Variants in ZFHX3 observed in about 807,000 individuals in gnomAD.
ZFHX3 encodes zinc finger homeobox protein 3.
Under a neutral mutation model 279.1 loss-of-function variants are expected in ZFHX3, and 42 were observed. That is an observed-to-expected ratio of 0.15 (90% CI 0.12 to 0.19). ZFHX3 has a LOEUF of 0.19. ZFHX3 is among the 10% of genes least tolerant of loss of function. The pLI is 1.00. For synonymous variants in ZFHX3, 2,293 were observed against 1,957.8 expected (o/e 1.17, Z -4.52); for missense variants, 4,981 against 4,754.0 (o/e 1.05, Z -1.40).
intron 7 of ZFHX3, among the ~76,000 whole-genome samples, chr16:72,802,515 C>G (rs904409019): frequency 1.3e-5 from 2 of 152,108 alleles, no homozygotes; most frequent in African/African-American, 2.4e-5. Flanking sequence ...CTTTTATCCA[C>G]CTGCATTTTT....
intron 3 of ZFHX3, among the ~76,000 whole-genome samples, chr16:73,422,197 A>ATTTTTTTTTTTTT (rs34462342): frequency 6.9e-6 from 1 of 144,574 alleles, no homozygotes. Flanking sequence ...TTTTCAGAAG[A>ATTTTTTTTTTTTT]TTTTTTTTTT....
chr16:73,586,683 A>G (rs1439831806), intron 2 of ZFHX3, among the ~76,000 whole-genome samples: 1 of 152,170 alleles, frequency 6.6e-6, no homozygotes, highest in Non-Finnish European at 1.5e-5. Flanking sequence ...GTCTTTGATG[A>G]AGGTTTTAAC....
At chr16:73,318,220 A>C (rs1036354798) in intron 4 of ZFHX3, 1 of 152,088 alleles carries the variant, frequency 6.6e-6, no homozygotes, top group Non-Finnish European at 1.5e-5. Context: ...CCCAACCATA[A>C]TATAATATCA....
chr16:73,784,798 T>A (rs773261561), intron 1 of ZFHX3, among the ~76,000 whole-genome samples: 2,182 of 111,212 alleles, frequency 0.02, 23 homozygotes, highest in East Asian at 0.052. Context: ...AAAAAAAAAA[T>A]ATATATATAT....
chr16:72,832,224 C>T (rs780251541), intron 4 of ZFHX3, among the ~76,000 whole-genome samples: 1 of 152,100 alleles, frequency 6.6e-6, no homozygotes, highest in Non-Finnish European at 1.5e-5. Flanking sequence ...TCACAGTCAC[C>T]CAACACTGAC....
At chr16:73,506,826 G>A (rs913965857) in intron 2 of ZFHX3, among the ~76,000 whole-genome samples, 1 of 152,098 alleles carries the variant, frequency 6.6e-6, no homozygotes, top group African/African-American at 2.4e-5. Context: ...CCATAGTAAC[G>A]GCAAGATTAC....
rs775783430 is a variant in ZFHX3, at chr16:72,793,977, T to C, written c.8705A>G (p.Tyr2902Cys). ...SGLVSPAPSF[Y>C]SKEYDNEGTV... ...ACCTTCATTGTCATATTCCTTGCTA[T>C]AAAAGCTCGGGGCCGGGCTGACCAG... The change falls in exon 9 of 10, where the codon TAT (tyrosine) becomes TGT (cysteine). Residue 2902 changes from tyrosine (Y) to cysteine (C), a missense_variant. Around this residue, in one of 7 missense-constraint regions of ZFHX3, gnomAD observed 744 missense variants for 701.3 expected, o/e 1.06. Coordinates refer to ENST00000268489, the MANE Select transcript of ZFHX3 (RefSeq NM_006885.4). The surrounding 1 kb of genome is among the most constrained non-coding windows in gnomAD (Gnocchi z 4.3). The C allele has an allele frequency of 9.3e-6, 15 of 1,614,228 alleles. No individual in the cohort carries two copies. The highest frequency in any genetic ancestry group is 3.3e-5 in the Admixed American group (2 of 60,032).
Position 73,490,798 on chromosome 16 carries a change from T to C in ZFHX3, c.-1546-34540A>G, listed in dbSNP as rs919927798. 1.6e-4 allele frequency among the ~76,000 whole-genome samples: 24 copies of C among 152,130 alleles called. 1 individual carries two copies. The highest frequency in any genetic ancestry group is 5.8e-4 in the African/African-American group (24 of 41,406). On this transcript the variant is annotated intron_variant, in intron 2 of 17. Transcript: ENST00000641206. Reference sequence around the variant, plus strand: ...GCTACAGTGAGCCCTGATAGTGCCATTGCATTCCAGCCTGGACAACAGAAC... The same window carrying C: ...GCTACAGTGAGCCCTGATAGTGCCACTGCATTCCAGCCTGGACAACAGAAC...
At chr16:73,078,528 A>C (rs183550363) in intron 8 of ZFHX3, among the ~76,000 whole-genome samples, 124 of 152,248 alleles carry the variant, frequency 8.1e-4, no homozygotes, top group Non-Finnish European at 1.5e-3. Flanking sequence ...CTGAAATTTA[A>C]GTTCCTTTAT....
chr16:73,362,023 A>G (rs1567460884), intron 3 of ZFHX3, among the ~76,000 whole-genome samples: 1 of 152,178 alleles, frequency 6.6e-6, no homozygotes, highest in South Asian at 2.1e-4. Context: ...GTCATTTCTC[A>G]TATCCTCATG....
chr16:73,039,947 G>A (rs1236874506), intron 1 of ZFHX3, among the ~76,000 whole-genome samples: 1 of 152,174 alleles, frequency 6.6e-6, no homozygotes, highest in Non-Finnish European at 1.5e-5. Context: ...AGCAATGTGA[G>A]GAAATGAAAA....
intron 1 of ZFHX3, among the ~76,000 whole-genome samples, chr16:73,750,316 A>G (rs746896917): frequency 3.0e-4 from 45 of 152,194 alleles, no homozygotes; most frequent in African/African-American, 1.1e-3. Flanking sequence ...TCTGGAGTGT[A>G]CGATCTGCAA....
At chr16:73,389,296 C>T (rs1334849137) in intron 3 of ZFHX3, 1 of 152,100 alleles carries the variant, frequency 6.6e-6, no homozygotes. Context: ...TGCTTTTGCA[C>T]TAGAACGGGG....
intron 2 of ZFHX3, among the ~76,000 whole-genome samples, chr16:73,573,682 G>C (rs115093520): frequency 6.6e-6 from 1 of 152,300 alleles, no homozygotes; most frequent in African/African-American, 2.4e-5. Flanking sequence ...TGTTAATACA[G>C]ATGCTGTATA....
intron 1 of ZFHX3, among the ~76,000 whole-genome samples, chr16:73,748,275 A>C (rs763778781): frequency 6.6e-5 from 10 of 152,178 alleles, no homozygotes; most frequent in Non-Finnish European, 1.3e-4. Context: ...AACTAACTAC[A>C]TGTCATACAA....
intron 1 of ZFHX3, among the ~76,000 whole-genome samples, chr16:73,724,805 T>C (rs902640273): frequency 1.3e-5 from 2 of 152,164 alleles, no homozygotes; most frequent in Non-Finnish European, 2.9e-5. Context: ...AAAGAATTCT[T>C]AAAAGCACAA....
Position 73,752,344 on chromosome 16 carries a change from C to T in ZFHX3, c.-1607-72104G>A, listed in dbSNP as rs188482385. On this transcript the variant is annotated intron_variant, in intron 1 of 17. Transcript: ENST00000641206. The stretch of plus-strand genomic sequence containing the variant: ...CTGTCCCAGTCTTTTGGCTGAAACC[C>T]AACTAGGATTATCTGAGGAAATAAA... Among the ~76,000 whole-genome samples, 56 of 152,244 alleles carry T rather than the reference C, an allele frequency of 3.7e-4. 1 individual carries two copies. The East Asian group carries it at 6.4e-3, about 17-fold the overall frequency.
chr16:73,453,664 A>G (rs1204811272), intron 3 of ZFHX3, among the ~76,000 whole-genome samples: 1 of 152,192 alleles, frequency 6.6e-6, no homozygotes, highest in Non-Finnish European at 1.5e-5. Flanking sequence ...GTCTGTTTTC[A>G]TGCTGCTGAT....
chr16:72,905,790 T>C (rs1032382563), intron 3 of ZFHX3, among the ~76,000 whole-genome samples: 9 of 152,222 alleles, frequency 5.9e-5, no homozygotes, highest in Admixed American at 2.0e-4. Flanking sequence ...ATAAGACAGC[T>C]TGTCTACAGC....
Sources: allele counts gnomAD v4.1 joint callset (sites outside exome capture counted in the v4.1 genomes callset), GRCh38; gene constraint gnomAD v4.1.1; regional missense constraint gnomAD v4.1.1; non-coding constraint Gnocchi (gnomAD v3.1); transcripts MANE v1.5; gene names NCBI Gene and HGNC (gene_info 2026-07-23, HGNC 2026-07-21).